VCAN: variants seen among roughly 807,000 people sequenced by gnomAD.
VCAN encodes the protein versican, also known as versican core protein.
A neutral mutation model predicts 245.5 loss-of-function variants in VCAN; 44 were observed. The ratio of observed to expected loss-of-function variants is 0.18; its 90% CI spans 0.14 to 0.23. The LOEUF is 0.23. Among genes scored for constraint, VCAN ranks in the 10% least tolerant of loss-of-function variants. The probability of loss-of-function intolerance (pLI) is 1.00; values close to 1 mark genes in which losing one functional copy is unlikely to be tolerated. For missense variants in VCAN, 3,793 were observed against 4,057.9 expected, an observed-to-expected ratio of 0.93 and a Z score of 1.77; for synonymous variants, 1,413 against 1,437.0, an observed-to-expected ratio of 0.98 and a Z score of 0.38.
rs571885096 is a variant in VCAN, at chr5:83,523,174, C to T, written c.4003+865C>T. The stretch of plus-strand genomic sequence containing the variant: ...TACTTGGAGTTGTCATGATCAAATA[C>T]GATTTATTGCTGTCTAAAGGTGAGC... On this transcript the variant is annotated intron_variant, in intron 7 of 14. Coordinates refer to ENST00000265077, the MANE Select transcript of VCAN (RefSeq NM_004385.5). Among the ~76,000 whole-genome samples, 6 of 152,204 alleles carry T rather than the reference C, an allele frequency of 3.9e-5. No homozygotes were observed. The East Asian group carries it at 5.8e-4, about 15-fold the overall frequency.
At position 83,538,420 on chromosome 5, in the gene VCAN, C is replaced by A; in HGVS notation, c.5417C>A (p.Thr1806Asn). 3.1e-6 allele frequency: 5 copies of A among 1,614,008 alleles called. No individual in the cohort carries two copies. Among genetic ancestry groups the A allele is most frequent in the Non-Finnish European group, 4.2e-6 (5 of 1,179,966 alleles). ...TNTLENLGAQ[T>N]TEHSSIHQPG... ...ACATTAGAAAATTTGGGGGCACAGACCACTGAGCACAGCAGTATCCATCAA... is the reference window on the plus strand; with the variant it reads ...ACATTAGAAAATTTGGGGGCACAGAACACTGAGCACAGCAGTATCCATCAA... Residue 1806 changes from threonine (T) to asparagine (N), a missense_variant, in exon 8 of 15, where the codon ACC becomes AAC. By Grantham distance (65) the Thr-to-Asn change is moderately conservative. Coordinates refer to ENST00000265077, the MANE Select transcript of VCAN (RefSeq NM_004385.5).
chr5:83,522,421 G>C, intron 7 of VCAN, 112 bp downstream of exon 7: 2 of 1,140,462 alleles, frequency 1.8e-6, no homozygotes, highest in Non-Finnish European at 2.5e-6. Context: ...AAGATAACTG[G>C]AGTGTGAAAA....
intron 12 of VCAN, among the ~76,000 whole-genome samples, chr5:83,561,475 G>T (rs997908375): frequency 9.2e-5 from 14 of 151,970 alleles, no homozygotes; most frequent in Non-Finnish European, 1.6e-4. Context: ...ACTCAATTTT[G>T]CATTTTGTTT....
chr5:83,548,977 G>A (rs1747349130), intron 10 of VCAN, among the ~76,000 whole-genome samples: 1 of 152,276 alleles, frequency 6.6e-6, no homozygotes, highest in African/African-American at 2.4e-5. Flanking sequence ...GATGGATGAT[G>A]GCTACATTTT....
At chr5:83,577,637 ATATTC>A (rs1420646332) in intron 13 of VCAN, among the ~76,000 whole-genome samples, 30 of 152,180 alleles carry the variant, frequency 2.0e-4, no homozygotes, top group African/African-American at 6.5e-4. Context: ...AGTCATAAAG[ATATTC>A]TATAGTTTCT....
At chr5:83,525,974 C>G (rs1288911072) in intron 7 of VCAN, among the ~76,000 whole-genome samples, 1 of 151,664 alleles carries the variant, frequency 6.6e-6, no homozygotes, top group Non-Finnish European at 1.5e-5. Flanking sequence ...GAGTCTTGCT[C>G]TGTTGCCCAG....
intron 5 of VCAN, among the ~76,000 whole-genome samples, chr5:83,511,641 G>T (rs571324523): frequency 6.6e-6 from 1 of 151,720 alleles, no homozygotes; most frequent in Non-Finnish European, 1.5e-5. Context: ...GAAGGCCAGA[G>T]AATTACTATT....
At chr5:83,560,731 A>C (rs555023819) in intron 12 of VCAN, among the ~76,000 whole-genome samples, 1 of 152,262 alleles carries the variant, frequency 6.6e-6, no homozygotes, top group East Asian at 1.9e-4. Flanking sequence ...TTAAAATCAA[A>C]TTGTGGAGCT....
In VCAN at chr5:83,539,914, T is replaced by C. The variant is rs753027786; in HGVS notation, c.6911T>C (p.Met2304Thr). 1 of 1,614,044 alleles carries C rather than the reference T, an allele frequency of 6.2e-7. No individual in the cohort carries two copies. Among genetic ancestry groups the C allele is most frequent in the East Asian group, 2.2e-5 (1 of 44,860 alleles). Reference protein sequence around the residue: ...SSDKIEDFNRMENVAKEVGPL... With the variant: ...SSDKIEDFNRTENVAKEVGPL... ...GACAAAATTGAAGACTTTAACAGAA[T>C]GGAAAATGTGGCAAAAGAAGTTGGA... Residue 2304 changes from methionine (M) to threonine (T), a missense_variant, in exon 8 of 15, where the codon ATG (methionine) becomes ACG (threonine). This residue lies in a region of VCAN where 3,182 missense variants were observed against 3,250.3 expected (regional missense o/e 0.98). Transcript: ENST00000265077.
intron 12 of VCAN, among the ~76,000 whole-genome samples, chr5:83,556,617 A>G (rs963412730): frequency 2.0e-5 from 3 of 152,136 alleles, no homozygotes; most frequent in Non-Finnish European, 2.9e-5. Context: ...GGCTGGATGT[A>G]TTGGATCTGT....
intron 10 of VCAN, among the ~76,000 whole-genome samples, chr5:83,552,720 C>T (rs957501322): frequency 3.3e-5 from 5 of 152,154 alleles, no homozygotes; most frequent in Non-Finnish European, 7.4e-5. Flanking sequence ...TAATTTATTT[C>T]ATTTTTAATA....
rs773327463 is a variant in VCAN at position 83,519,966 on chromosome 5, G to T, written c.1660G>T (p.Glu554Ter). The T allele has an allele frequency of 6.2e-7, 1 of 1,614,100 alleles. No homozygotes were observed. The highest frequency in any genetic ancestry group is 1.1e-5 in the South Asian group (1 of 91,074). ...AGGTCACTATGGATTCACCTTGGGA[G>T]AAGAGGATGATGAAGACAGAACACT... ...TTGHYGFTLG[E>*]EDDEDRTLTV... The change falls in exon 7 of 15, where the codon GAA (glutamate) becomes TAA (stop). Residue 554 changes from glutamate (E) to a stop codon, truncating the protein, a stop_gained. Transcript: ENST00000265077. LOFTEE classifies it high-confidence loss of function.
In VCAN at chr5:83,521,775, T is replaced by C; in HGVS notation, c.3469T>C (p.Phe1157Leu). The C allele has an allele frequency of 6.2e-7, 1 of 1,614,116 alleles. No individual in the cohort carries two copies. The highest frequency in any genetic ancestry group is 8.5e-7 in the Non-Finnish European group (1 of 1,180,012). Residue 1157 changes from phenylalanine (F) to leucine (L), a missense_variant, in exon 7 of 15, where the codon TTT becomes CTT. Around this residue, in one of 5 missense-constraint regions of VCAN, gnomAD observed 3,182 missense variants for 3,250.3 expected, o/e 0.98. Coordinates refer to ENST00000265077, the MANE Select transcript of VCAN (RefSeq NM_004385.5). ...TTGFTSSLSP[F>L]STHITQLMEE... Reference sequence around the variant, plus strand: ...AGGATTTACATCATCTTTGAGTCCTTTTAGTACCCACATTACCCAGCTTAT... The same window carrying C: ...AGGATTTACATCATCTTTGAGTCCTCTTAGTACCCACATTACCCAGCTTAT...
At chr5:83,569,119 C>G (rs1462937672) in intron 12 of VCAN, among the ~76,000 whole-genome samples, 2 of 152,082 alleles carry the variant, frequency 1.3e-5, no homozygotes, top group African/African-American at 4.8e-5. Flanking sequence ...AAATTGTTTT[C>G]CCTTTACTGC....
In VCAN at chr5:83,519,679, A is replaced by G. The variant is rs1444991980; in HGVS notation, c.1373A>G (p.Glu458Gly). Residue 458 changes from glutamate (E) to glycine (G), a missense_variant, in exon 7 of 15, where the codon GAA becomes GGA. Glu to Gly is a moderately conservative substitution (Grantham distance 98, BLOSUM62 -2). Transcript: ENST00000265077. The stretch of plus-strand genomic sequence containing the variant: ...CTAGACATATCAGAAATTAAGGAAG[A>G]AGTGCTCCAGAGTACAACTGGCGTC... Reference protein sequence around the residue: ...GKLDISEIKEEVLQSTTGVSH... With the variant: ...GKLDISEIKEGVLQSTTGVSH... 1.9e-6 allele frequency: 3 copies of G among 1,614,158 alleles called. No homozygotes were observed. Among genetic ancestry groups the G allele is most frequent in the East Asian group, 2.2e-5 (1 of 44,886 alleles).
At chr5:83,548,321 G>C (rs1366869771) in intron 10 of VCAN, among the ~76,000 whole-genome samples, 1 of 152,120 alleles carries the variant, frequency 6.6e-6, no homozygotes, top group Non-Finnish European at 1.5e-5. Context: ...CCAATAAAAG[G>C]AATATTATCG....
At chr5:83,545,768 T>G in intron 9 of VCAN, 118 bp downstream of exon 9, 1 of 858,516 alleles carries the variant, frequency 1.2e-6, no homozygotes. Context: ...ATTAATTATA[T>G]GTTAAATGAA....
At chr5:83,561,522 A>G (rs1006947336) in intron 12 of VCAN, among the ~76,000 whole-genome samples, 1 of 152,154 alleles carries the variant, frequency 6.6e-6, no homozygotes, top group Non-Finnish European at 1.5e-5. Context: ...TTGGCAACTT[A>G]ATACCTACAA....
At chr5:83,499,975 T>C (rs1561233068) in intron 5 of VCAN, among the ~76,000 whole-genome samples, 1 of 152,236 alleles carries the variant, frequency 6.6e-6, no homozygotes, top group Non-Finnish European at 1.5e-5. Context: ...GGGTTAGTTC[T>C]AGCTTTTTAA....
Sources: gnomAD v4.1 joint callset for allele counts (sites outside exome capture counted in the v4.1 genomes callset) on GRCh38, gnomAD v4.1.1 for gene constraint, gnomAD v4.1.1 regional missense constraint, MANE v1.5 for transcripts, NCBI Gene and HGNC (gene_info 2026-07-23, HGNC 2026-07-21) for gene names.